The following CHRNB2 variants were observed in gnomAD, a reference collection of about 807,000 sequenced individuals.
CHRNB2 encodes the protein cholinergic receptor nicotinic beta 2 subunit.
A neutral mutation model predicts 42.7 loss-of-function variants in CHRNB2; 33 were observed. The ratio of observed to expected loss-of-function variants is 0.77; its 90% confidence interval spans 0.59 to 1.03. The LOEUF is 1.03. Among genes scored for constraint, CHRNB2 ranks in the 50% least tolerant of loss-of-function variants. The pLI, the probability that CHRNB2 is intolerant of heterozygous loss-of-function variation, is 0.00. For synonymous variants in CHRNB2, 325 were observed against 292.9 expected (o/e 1.11, Z -1.12); for missense variants, 603 against 700.9 (o/e 0.86, Z 1.58).
Position 154,569,843 on chromosome 1 carries a change from G to GTT in CHRNB2, c.255+8_255+9insTT. The GTT allele has an allele frequency of 1.2e-6, 2 of 1,613,998 alleles. No individual in the cohort carries two copies. The highest frequency in any genetic ancestry group is 1.7e-6 in the Non-Finnish European group (2 of 1,179,956). On this transcript the variant is annotated splice_region_variant and intron_variant, in intron 3 of 5. Coordinates refer to ENST00000368476, the MANE Select transcript of CHRNB2 (RefSeq NM_000748.3). ...CAATGTCTGGCTGACCCAGGTAAGC[G>GTT]TAAGTGCTCTCTTCCACCCACACCC...
Position 154,576,526 on chromosome 1 carries a change from G to A in CHRNB2, c.*594G>A, listed in dbSNP as rs1696283168. ...CCATGGTCACAGACCCCTGGGGGAGGCTTCCAGCTCAGTCCCACAGCCCCT... is the reference window on the plus strand; with the variant it reads ...CCATGGTCACAGACCCCTGGGGGAGACTTCCAGCTCAGTCCCACAGCCCCT... On this transcript the variant is annotated 3_prime_UTR_variant, in exon 6 of 6. Transcript: ENST00000368476. The A allele has an allele frequency of 5.5e-6, 1 of 182,362 alleles. No homozygotes were observed. The highest frequency in any genetic ancestry group is 1.2e-4 in the South Asian group (1 of 8,368). The allele number at this position is 182,362 out of a possible 1,614,324, so 11.3% of individuals were successfully genotyped here.
rs201171352 is a variant in CHRNB2, at chr1:154,569,520, C to T, written c.123C>T (p.Arg41=). Residue 41 remains arginine, a synonymous_variant, in exon 2 of 6, where the codon CGC becomes CGT. Coordinates refer to ENST00000368476, the MANE Select transcript of CHRNB2 (RefSeq NM_000748.3). ...TGGAGCATCTCCTGGATCCTTCCCG[C>T]TACAACAAGCTTATCCGCCCAGCCA... ...RLVEHLLDPS[R]YNKLIRPATN... 3.7e-6 allele frequency: 6 copies of T among 1,613,910 alleles called. No individual in the cohort carries two copies. In the African/African-American group the frequency reaches 8.0e-5, roughly 22 times the overall value.
In CHRNB2 at chr1:154,572,063, G is replaced by A. The variant is rs1024048381; in HGVS notation, c.1240G>A (p.Gly414Arg). 9 of 1,533,676 alleles carry A rather than the reference G, an allele frequency of 5.9e-6. No individual in the cohort carries two copies. Among genetic ancestry groups the A allele is most frequent in the East Asian group, 2.4e-5 (1 of 40,880 alleles). The change falls in exon 5 of 6, where the codon GGG (glycine) becomes AGG (arginine). Residue 414 changes from glycine to arginine, a missense_variant. By Grantham distance (125) the Gly-to-Arg change is moderately radical (BLOSUM62 -2). This residue lies in a region of CHRNB2 where 270 missense variants were observed against 248.3 expected (regional missense o/e 1.09). Coordinates refer to ENST00000368476, the MANE Select transcript of CHRNB2 (RefSeq NM_000748.3). ...GAEPAPVAGP[G>R]RSGEPCGCGL... ...TGAGCCTGCACCAGTGGCGGGCCCC[G>A]GGCGCTCAGGGGAGCCGTGTGGCTG...
Position 154,578,882 on chromosome 1 carries a change from G to C in CHRNB2, c.*2950G>C, listed in dbSNP as rs201452330. 1 of 152,268 alleles carries C rather than the reference G, an allele frequency of 6.6e-6. No individual in the cohort carries two copies. The highest frequency in any genetic ancestry group is 2.4e-5 in the African/African-American group (1 of 41,462). The allele number at this position is 152,268 out of a possible 1,614,324, so 9.4% of individuals were successfully genotyped here. A position where few individuals can be genotyped will look rare whatever the true frequency, so the allele number is the denominator to read the frequency against. On this transcript the variant is annotated 3_prime_UTR_variant, in exon 6 of 6. Transcript: ENST00000368476. ...ATGGAAACCTGGAGCAAGGGTTTGG[G>C]AGGGGAAGTGAGGAAACAGGTTGAG...
chr1:154,575,952 G>C lies in CHRNB2; in HGVS notation c.*20G>C, dbSNP rs759431860. 2.5e-6 allele frequency: 4 copies of C among 1,613,846 alleles called. No homozygotes were observed. In the South Asian group the frequency reaches 4.4e-5, roughly 18 times the overall value. On this transcript the variant is annotated 3_prime_UTR_variant, in exon 6 of 6. Coordinates refer to ENST00000368476, the MANE Select transcript of CHRNB2 (RefSeq NM_000748.3). ...AAGTGAGGCCCTTCCTCATCTCCATGCTCTTTCACCCTGCCACCCTCTGCT... is the reference window on the plus strand; with the variant it reads ...AAGTGAGGCCCTTCCTCATCTCCATCCTCTTTCACCCTGCCACCCTCTGCT...
At chr1:154,570,563 C>T (rs1040720829) in intron 4 of CHRNB2, among the ~76,000 whole-genome samples, 196 bp downstream of exon 4, 18 of 152,090 alleles carry the variant, frequency 1.2e-4, no homozygotes, top group African/African-American at 4.3e-4. Flanking sequence ...CAATGACCAG[C>T]CCACTCCCAG....
Position 154,576,120 on chromosome 1 carries a change from G to C in CHRNB2, c.*188G>C. On this transcript the variant is annotated 3_prime_UTR_variant, in exon 6 of 6. Coordinates refer to ENST00000368476, the MANE Select transcript of CHRNB2 (RefSeq NM_000748.3). ...ACACAGCAGCTCCAACCTGGAGGCT[G>C]GACCAACTGCTTTGTTTTGGCTGCT... The C allele has an allele frequency of 1.5e-6, 1 of 685,992 alleles. No individual in the cohort carries two copies. Among genetic ancestry groups the C allele is most frequent in the African/African-American group, 1.8e-5 (1 of 56,658 alleles). 42.5% of individuals were successfully genotyped at this position (685,992 alleles called of 1,614,324 possible). A position where few individuals can be genotyped will look rare whatever the true frequency, so the allele number is the denominator to read the frequency against.
intron 3 of CHRNB2, 71 bp downstream of exon 3, chr1:154,569,907 T>C: frequency 1.3e-6 from 2 of 1,573,194 alleles, no homozygotes; most frequent in Non-Finnish European, 1.7e-6. Context: ...ATGTGCTTTT[T>C]TCTTTCTTAA....
chr1:154,569,620 C>T lies in CHRNB2; in HGVS notation c.210+13C>T. The T allele has an allele frequency of 6.2e-7, 1 of 1,614,068 alleles. No individual in the cohort carries two copies. ...GCTCATCAGTGTGGTGAGTAGAGGT[C>T]CCAGGCTCTCTGCCCAGCTACTGAA... On this transcript the variant is annotated intron_variant, in intron 2 of 5. Transcript: ENST00000368476.
chr1:154,572,186 G>A lies in CHRNB2; in HGVS notation c.1338+25G>A, dbSNP rs56146528. 6,502 of 1,535,712 alleles carry A rather than the reference G, an allele frequency of 4.2e-3. 58 individuals are homozygous for A. The highest frequency in any genetic ancestry group is 0.021 in the South Asian group (1,769 of 83,974). ...CGTGAGTGCCGCAGGCTGGGACCCC[G>A]GGCGTGAGATATGGGGTCTGCCAGG... is the stretch of plus-strand genomic sequence containing the variant. On this transcript the variant is annotated intron_variant, in intron 5 of 5. Coordinates refer to ENST00000368476, the MANE Select transcript of CHRNB2 (RefSeq NM_000748.3).
chr1:154,567,926 C>G lies in CHRNB2; in HGVS notation c.-119C>G. 1 of 975,832 alleles carries G rather than the reference C, an allele frequency of 1.0e-6. No individual in the cohort carries two copies. The highest frequency in any genetic ancestry group is 1.4e-6 in the Non-Finnish European group (1 of 716,924). 60.4% of individuals were successfully genotyped at this position (975,832 alleles called of 1,614,324 possible). On this transcript the variant is annotated 5_prime_UTR_variant, in exon 1 of 6. Coordinates refer to ENST00000368476, the MANE Select transcript of CHRNB2 (RefSeq NM_000748.3). ...GGAACCACCGCGGCGGCCGGCACCA[C>G]CTGGACCCAGCTCCAGGCGGGCGCG...
Position 154,571,900 on chromosome 1 carries a change from G to A in CHRNB2, c.1077G>A (p.Gln359=). The change falls in exon 5 of 6, where the codon CAG becomes CAA. Residue 359 remains glutamine (Q), a synonymous_variant. Transcript: ENST00000368476. This position sits in a 1 kb window ranked among gnomAD's most constrained non-coding sequence, Gnocchi z 6.8. ...MQQPRHHCAR[Q]RLRLRRRQRE... is the part of the protein sequence containing the mutation. ...AGCCACGCCATCATTGCGCCCGTCA[G>A]CGCCTGCGCCTGCGGCGACGCCAGC... The A allele has an allele frequency of 6.3e-7, 1 of 1,578,790 alleles. No individual in the cohort carries two copies. Among genetic ancestry groups the A allele is most frequent in the Non-Finnish European group, 8.6e-7 (1 of 1,166,850 alleles).
Position 154,571,945 on chromosome 1 carries a change from A to G in CHRNB2, c.1122A>G (p.Gly374=). The G allele has an allele frequency of 6.5e-7, 1 of 1,549,380 alleles. No homozygotes were observed. The highest frequency in any genetic ancestry group is 1.7e-4 in the Middle Eastern group (1 of 5,958). Residue 374 remains glycine, a synonymous_variant, in exon 5 of 6, where the codon GGA becomes GGG. Coordinates refer to ENST00000368476, the MANE Select transcript of CHRNB2 (RefSeq NM_000748.3). This position sits in a 1 kb window ranked among gnomAD's most constrained non-coding sequence, Gnocchi z 6.8. ...GCCAGCGTGAGCGCGAGGGCGCTGG[A>G]GCCCTCTTCTTCCGCGAAGCCCCAG... ...RRRQREREGA[G]ALFFREAPGA... is the part of the protein sequence containing the mutation.
Position 154,570,162 on chromosome 1 carries a change from TC to T in CHRNB2, c.256-93del, listed in dbSNP as rs1202058122. 37 of 826,136 alleles carry T rather than the reference TC, an allele frequency of 4.5e-5. No homozygotes were observed. In the Middle Eastern group the frequency reaches 9.7e-4, roughly 22 times the overall value. The allele number at this position is 826,136 out of a possible 1,614,324, so 51.2% of individuals were successfully genotyped here. A position where few individuals can be genotyped will look rare whatever the true frequency, so the allele number is the denominator to read the frequency against. The stretch of plus-strand genomic sequence containing the variant: ...GGGGAAGAGGCTGGCTTTTAAAAGG[TC>T]CCTCAAGCCATATGGGCCCCCTCTA... On this transcript the variant is annotated intron_variant, in intron 3 of 5. Transcript: ENST00000368476.
intron 3 of CHRNB2, 50 bp downstream of exon 3, chr1:154,569,886 C>G: frequency 6.2e-7 from 1 of 1,603,392 alleles, no homozygotes; most frequent in Non-Finnish European, 8.5e-7. Context: ...TCTCTCTCCT[C>G]CTTTTTCCCC....
chr1:154,572,958 C>A (rs1696207210), intron 5 of CHRNB2, among the ~76,000 whole-genome samples: 1 of 152,186 alleles, frequency 6.6e-6, no homozygotes, highest in Admixed American at 6.5e-5. Flanking sequence ...GGGGCCGGCC[C>A]CACCCTGTGG....
In CHRNB2 at chr1:154,576,279, G is replaced by T; in HGVS notation, c.*347G>T. On this transcript the variant is annotated 3_prime_UTR_variant, in exon 6 of 6. Coordinates refer to ENST00000368476, the MANE Select transcript of CHRNB2 (RefSeq NM_000748.3). ...GGCCAGGAAGGGGACAGGATTGTCT[G>T]CTGCCTCCAAGTCATGGGAGAAGAG... 1 of 396,180 alleles carries T rather than the reference G, an allele frequency of 2.5e-6. No homozygotes were observed. The highest frequency in any genetic ancestry group is 2.1e-5 in the South Asian group (1 of 47,036). The allele number at this position is 396,180 out of a possible 1,614,324, so 24.5% of individuals were successfully genotyped here.
In CHRNB2 at chr1:154,579,959, C is replaced by G. The variant is rs1336394433; in HGVS notation, c.*4027C>G. ...GCGAATACAGGAAAAAGGGAGAATG[C>G]TGGAGAAACTGGACTCGTGAGAGCT... On this transcript the variant is annotated 3_prime_UTR_variant, in exon 6 of 6. Transcript: ENST00000368476. 1 of 152,266 alleles carries G rather than the reference C, an allele frequency of 6.6e-6. No homozygotes were observed. The allele number at this position is 152,266 out of a possible 1,614,324, so 9.4% of individuals were successfully genotyped here. A position where few individuals can be genotyped will look rare whatever the true frequency, so the allele number is the denominator to read the frequency against.
rs766894920 is a variant in CHRNB2, at chr1:154,568,116, A to G, written c.64+8A>G. ...TCCTCCGGCTGTGCTCAGGTAAGGGAAAGACGGGCACTGGCCAGGTTCTCC... is the reference window on the plus strand; with the variant it reads ...TCCTCCGGCTGTGCTCAGGTAAGGGGAAGACGGGCACTGGCCAGGTTCTCC... On this transcript the variant is annotated splice_region_variant and intron_variant, in intron 1 of 5. Coordinates refer to ENST00000368476, the MANE Select transcript of CHRNB2 (RefSeq NM_000748.3). The G allele has an allele frequency of 1.3e-5, 20 of 1,598,450 alleles. No homozygotes were observed. In the South Asian group the frequency reaches 2.3e-4, roughly 18 times the overall value.
Sources: allele counts gnomAD v4.1 joint callset (sites outside exome capture counted in the v4.1 genomes callset), GRCh38; gene constraint gnomAD v4.1.1; regional missense constraint gnomAD v4.1.1; non-coding constraint Gnocchi (gnomAD v3.1); transcripts MANE v1.5; gene names NCBI Gene and HGNC (gene_info 2026-07-23, HGNC 2026-07-21).